Variants in PTPRJ observed in about 807,000 individuals in gnomAD.
PTPRJ encodes the protein protein tyrosine phosphatase receptor type J.
A neutral mutation model predicts 141.3 loss-of-function variants in PTPRJ; 129 were observed. The observed-to-expected ratio is 0.91, with a 90% CI of 0.79 to 1.06. The LOEUF is 1.06. Among genes scored for constraint, PTPRJ ranks in the 50% least tolerant of loss-of-function variants. The probability of loss-of-function intolerance (pLI) is 0.00; values close to 1 mark genes in which losing one functional copy is unlikely to be tolerated. For synonymous variants in PTPRJ, 610 were observed against 640.5 expected, an observed-to-expected ratio of 0.95 and a Z score of 0.72; for missense variants, 1,601 against 1,679.7, an observed-to-expected ratio of 0.95 and a Z score of 0.82.
At chr11:48,090,455 G>A (rs1272081156) in intron 1 of PTPRJ, among the ~76,000 whole-genome samples, 3 of 152,184 alleles carry the variant, frequency 2.0e-5, no homozygotes, top group Admixed American at 2.0e-4. Context: ...TAAGGAGAAG[G>A]CTTCGATGTC....
At chr11:48,135,842 A>C (rs890099834) in intron 8 of PTPRJ, among the ~76,000 whole-genome samples, 197 bp from the exon 9 acceptor site, 2 of 152,220 alleles carry the variant, frequency 1.3e-5, no homozygotes, top group Non-Finnish European at 2.9e-5. Flanking sequence ...TGGGAAGTTC[A>C]TGTGCGTCAC....
At position 48,128,145 on chromosome 11, in the gene PTPRJ, C is replaced by T; in HGVS notation, c.1357+102C>T. The T allele has an allele frequency of 2.1e-6, 3 of 1,406,756 alleles. No individual in the cohort carries two copies. The South Asian group carries it at 3.9e-5, about 18-fold the overall frequency. The allele number at this position is 1,406,756 out of a possible 1,614,324, so 87.1% of individuals were successfully genotyped here. ...GTAGTAATGGTGACTGTTGGCTGAC[C>T]ACACGCCAAGCTTCGTGTGACATGC... On this transcript the variant is annotated intron_variant, in intron 7 of 24. Transcript: ENST00000418331.
intron 1 of PTPRJ, among the ~76,000 whole-genome samples, chr11:48,108,893 A>G (rs1856366303): frequency 6.6e-6 from 1 of 152,146 alleles, no homozygotes; most frequent in Non-Finnish European, 1.5e-5. Context: ...TGTGCCGTTT[A>G]TTGAGTGCCT....
At position 48,167,692 on chromosome 11, in the gene PTPRJ, A is replaced by G. The variant is rs1857951421; in HGVS notation, c.*330A>G. 1 of 199,358 alleles carries G rather than the reference A, an allele frequency of 5.0e-6. No individual in the cohort carries two copies. The highest frequency in any genetic ancestry group is 1.0e-5 in the Non-Finnish European group (1 of 99,520). 12.3% of individuals were successfully genotyped at this position (199,358 alleles called of 1,614,324 possible). A position where few individuals can be genotyped will look rare whatever the true frequency, so the allele number is the denominator to read the frequency against. On this transcript the variant is annotated 3_prime_UTR_variant, in exon 25 of 25. Transcript: ENST00000418331. ...CAAAACAATTTCTTTTTTAAAAAAG[A>G]CTATTTTATATGATTCACATGCTAA... is the stretch of plus-strand genomic sequence containing the variant.
At chr11:48,155,759 C>T (rs1857583337) in intron 19 of PTPRJ, 42 bp from the exon 20 acceptor site, 3 of 1,467,824 alleles carry the variant, frequency 2.0e-6, no homozygotes, top group Non-Finnish European at 1.9e-6. Context: ...TTTACTAAAA[C>T]ATTTGCTTAT....
chr11:48,007,444 G>A (rs1400669148), intron 1 of PTPRJ, among the ~76,000 whole-genome samples: 1 of 150,664 alleles, frequency 6.6e-6, no homozygotes, highest in African/African-American at 2.5e-5. Flanking sequence ...TCCTCACTGT[G>A]TCACCCAGAC....
Position 47,980,853 on chromosome 11 carries a change from C to T in PTPRJ, c.-60C>T. ...GGAGGCGGCGACGACGGTGCCCGGG[C>T]TCGGGCGCACGGCGGGGCCCGATTC... On this transcript the variant is annotated 5_prime_UTR_variant, in exon 1 of 25. Coordinates refer to ENST00000418331, the MANE Select transcript of PTPRJ (RefSeq NM_002843.4). 9.3e-7 allele frequency: 1 copy of T among 1,076,954 alleles called. No homozygotes were observed. The highest frequency in any genetic ancestry group is 1.1e-6 in the Non-Finnish European group (1 of 891,194). 66.7% of individuals were successfully genotyped at this position (1,076,954 alleles called of 1,614,324 possible). A position where few individuals can be genotyped will look rare whatever the true frequency, so the allele number is the denominator to read the frequency against.
At chr11:48,104,400 G>A (rs921170777) in intron 1 of PTPRJ, among the ~76,000 whole-genome samples, 1 of 152,180 alleles carries the variant, frequency 6.6e-6, no homozygotes, top group African/African-American at 2.4e-5. Context: ...AATCTGTGCT[G>A]CTCCAAATCC....
chr11:48,013,180 C>T (rs1367051004), intron 1 of PTPRJ, among the ~76,000 whole-genome samples: 1 of 151,076 alleles, frequency 6.6e-6, no homozygotes, highest in East Asian at 1.9e-4. Flanking sequence ...GGGTAACAGA[C>T]AGGTGATGTT....
chr11:48,130,700 A>G lies in PTPRJ; in HGVS notation c.1599A>G (p.Thr533=). 6.2e-7 allele frequency: 1 copy of G among 1,610,960 alleles called. No homozygotes were observed. Among genetic ancestry groups the G allele is most frequent in the East Asian group, 2.2e-5 (1 of 44,772 alleles). ...ATGGGACTGAAGGGGCATCTCGGAC[A>G]GTTTGCAATAGAACTGGTAAGCAAA... The part of the protein sequence containing the change: ...GPNGTEGASR[T]VCNRTVPSAV... Residue 533 remains threonine (T), a synonymous_variant, in exon 8 of 25, where the codon ACA becomes ACG. Coordinates refer to ENST00000418331, the MANE Select transcript of PTPRJ (RefSeq NM_002843.4).
At chr11:48,010,201 AGAGTCTAGCTCTGTCGCCCAGGCTG>A in intron 1 of PTPRJ, among the ~76,000 whole-genome samples, 1 of 152,176 alleles carries the variant, frequency 6.6e-6, no homozygotes, top group East Asian at 1.9e-4. Flanking sequence ...TTTTTGAGAC[AGAGTCTAGCTCTGTCGCCCAGGCTG>A]GAGTAGAGTG....
chr11:48,101,225 C>T (rs542148110), intron 1 of PTPRJ, among the ~76,000 whole-genome samples: 39 of 152,314 alleles, frequency 2.6e-4, no homozygotes, highest in Non-Finnish European at 1.5e-4. Flanking sequence ...AGTTAGGTCA[C>T]GGGTCCGGGG....
chr11:48,029,689 T>C (rs907499200), intron 1 of PTPRJ, among the ~76,000 whole-genome samples: 3 of 152,192 alleles, frequency 2.0e-5, no homozygotes, highest in Non-Finnish European at 4.4e-5. Flanking sequence ...TAGCGGTCTT[T>C]TGTAATTATA....
At chr11:48,007,140 T>G (rs1028928918) in intron 1 of PTPRJ, among the ~76,000 whole-genome samples, 2 of 151,942 alleles carry the variant, frequency 1.3e-5, no homozygotes, top group African/African-American at 4.8e-5. Flanking sequence ...TCGCTTTGTC[T>G]CCCAGGCTGG....
intron 1 of PTPRJ, among the ~76,000 whole-genome samples, chr11:48,091,833 C>T (rs543036121): frequency 2.6e-5 from 4 of 152,308 alleles, no homozygotes; most frequent in Non-Finnish European, 4.4e-5. Context: ...ACCATAAGAA[C>T]GATCCAAACC....
At chr11:48,027,419 A>T (rs1440476512) in intron 1 of PTPRJ, among the ~76,000 whole-genome samples, 3 of 152,058 alleles carry the variant, frequency 2.0e-5, no homozygotes, top group African/African-American at 4.8e-5. Context: ...CTTGGTCCTG[A>T]TATGGATGGG....
intron 1 of PTPRJ, among the ~76,000 whole-genome samples, chr11:48,093,178 C>T (rs1041488623): frequency 7.2e-5 from 11 of 152,138 alleles, no homozygotes; most frequent in Non-Finnish European, 1.5e-4. Flanking sequence ...TGTGATTGCT[C>T]TGTAACTTTT....
rs1272048080 is a variant in PTPRJ, at chr11:48,121,222, G to T, written c.572G>T (p.Gly191Val). Residue 191 changes from glycine (G) to valine (V), a missense_variant, in exon 4 of 25, where the codon GGC becomes GTC. Transcript: ENST00000418331. ...GTATTCTCCATCACTCCAGGAATAG[G>T]CAATGAGACTTGGGGAGATCCCAGA... Reference protein sequence around the residue: ...SYVFSITPGIGNETWGDPRVI... With the variant: ...SYVFSITPGIVNETWGDPRVI... 6.2e-7 allele frequency: 1 copy of T among 1,614,132 alleles called. No individual in the cohort carries two copies.
At chr11:48,028,958 T>G (rs2134222035) in intron 1 of PTPRJ, among the ~76,000 whole-genome samples, 1 of 152,352 alleles carries the variant, frequency 6.6e-6, no homozygotes, top group South Asian at 2.1e-4. Context: ...GGTTTGGAAG[T>G]GAATCTGAAG....
Sources: allele counts gnomAD v4.1 joint callset (sites outside exome capture counted in the v4.1 genomes callset), GRCh38; gene constraint gnomAD v4.1.1; transcripts MANE v1.5; gene names NCBI Gene and HGNC (gene_info 2026-07-23, HGNC 2026-07-21).